The following PF4V1 variants were observed in gnomAD, a reference collection of about 807,000 sequenced individuals.
PF4V1 encodes the protein platelet factor 4 variant.
Under a neutral mutation model 6.9 loss-of-function variants are expected in PF4V1, and 4 were observed. The observed-to-expected ratio is 0.58, with a 90% CI of 0.29 to 1.34. PF4V1 has a LOEUF of 1.34. Among genes scored for constraint, PF4V1 ranks in the 40% most tolerant of loss-of-function variants. The pLI, the probability that PF4V1 is intolerant of heterozygous loss-of-function variation, is 0.09. For synonymous variants in PF4V1, 68 were observed against 55.9 expected (o/e 1.22, Z -0.97); for missense variants, 127 against 128.6 (o/e 0.99, Z 0.06).
Position 73,853,854 on chromosome 4 carries a change from A to T in PF4V1, c.172A>T (p.Ile58Phe). Reference sequence around the variant, plus strand: ...CACCTCCCAGGTCCGTCCCAGGCACATCACCAGCCTGGAGGTGATCAAGGC... The same window carrying T: ...CACCTCCCAGGTCCGTCCCAGGCACTTCACCAGCCTGGAGGTGATCAAGGC... ...KTTSQVRPRH[I>F]TSLEVIKAGP... The change falls in exon 2 of 3, where the codon ATC becomes TTC. Residue 58 changes from isoleucine (I) to phenylalanine (F), a missense_variant. Transcript: ENST00000226524. 2 of 1,613,284 alleles carry T rather than the reference A, an allele frequency of 1.2e-6. No individual in the cohort carries two copies. Among genetic ancestry groups the T allele is most frequent in the Non-Finnish European group, 1.7e-6 (2 of 1,179,830 alleles).
rs748498631 is a variant in PF4V1, at chr4:73,853,315, C to G, written c.-48C>G. The stretch of plus-strand genomic sequence containing the variant: ...GGAGTCACTGCCTGCAGAACCCCAG[C>G]CCGACTTTCCCTGCGCACTGGGATC... On this transcript the variant is annotated 5_prime_UTR_variant, in exon 1 of 3. Coordinates refer to ENST00000226524, the MANE Select transcript of PF4V1 (RefSeq NM_002620.4). 2.2e-5 allele frequency: 33 copies of G among 1,489,888 alleles called. No homozygotes were observed. The highest frequency in any genetic ancestry group is 3.0e-5 in the Non-Finnish European group (32 of 1,067,578). The allele number at this position is 1,489,888 out of a possible 1,614,324, so 92.3% of individuals were successfully genotyped here.
chr4:73,854,066 T>A lies in PF4V1; in HGVS notation c.259T>A (p.Leu87Met), dbSNP rs144390629. Residue 87 changes from leucine (L) to methionine (M), a missense_variant, in exon 3 of 3, where the codon TTG becomes ATG. Physicochemically the swap from Leu to Met is conservative, Grantham distance 15. Transcript: ENST00000226524. ...ATLKNGRKIC[L>M]DLQALLYKKI... Reference sequence around the variant, plus strand: ...GCTGAAGAATGGGAGGAAAATTTGCTTGGATCTGCAAGCCCTGCTGTACAA... The same window carrying A: ...GCTGAAGAATGGGAGGAAAATTTGCATGGATCTGCAAGCCCTGCTGTACAA... 2,605 of 1,614,214 alleles carry A rather than the reference T, an allele frequency of 1.6e-3. 21 individuals carry two copies. In the Middle Eastern group the frequency reaches 0.019, roughly 12 times the overall value.
intron 1 of PF4V1, 71 bp from the exon 2 acceptor site, chr4:73,853,712 T>A: frequency 6.6e-7 from 1 of 1,525,782 alleles, no homozygotes; most frequent in African/African-American, 1.4e-5. Context: ...GTCCCTAAAG[T>A]ATCTCTGGCT....
chr4:73,853,652 A>G, intron 1 of PF4V1, 131 bp from the exon 2 acceptor site: 1 of 1,350,312 alleles, frequency 7.4e-7, no homozygotes, highest in Non-Finnish European at 1.0e-6. Flanking sequence ...TCTGTCTGAG[A>G]GAGGTCTGAT....
At chr4:73,853,531 G>A in intron 1 of PF4V1, 69 bp downstream of exon 1, 2 of 1,517,266 alleles carry the variant, frequency 1.3e-6, no homozygotes, top group Non-Finnish European at 1.8e-6. Flanking sequence ...CTGGGGCTGG[G>A]GAGGAATCCT....
Position 73,853,428 on chromosome 4 carries a change from G to A in PF4V1, c.66G>A (p.Leu22=). The change falls in exon 1 of 3, where the codon TTG becomes TTA. Residue 22 remains leucine (L), a synonymous_variant. Transcript: ENST00000226524. ...GCCAGGAGATGCTGTTCTTGGCGTTGCTGCTCCTGCCAGTTGTGGTCGCCT... is the reference window on the plus strand; with the variant it reads ...GCCAGGAGATGCTGTTCTTGGCGTTACTGCTCCTGCCAGTTGTGGTCGCCT... The part of the protein sequence containing the change: ...ATRQEMLFLA[L]LLLPVVVAFA... 2 of 1,614,116 alleles carry A rather than the reference G, an allele frequency of 1.2e-6. No homozygotes were observed. The highest frequency in any genetic ancestry group is 2.2e-5 in the East Asian group (1 of 44,884).
chr4:73,854,152 T>C lies in PF4V1; in HGVS notation c.*30T>C, dbSNP rs1226449194. ...TAGCTGCCTAAGTGTGCACTTTCAA[T>C]CTAACTGTGAAAGAATCTTCTGATG... On this transcript the variant is annotated 3_prime_UTR_variant, in exon 3 of 3. Coordinates refer to ENST00000226524, the MANE Select transcript of PF4V1 (RefSeq NM_002620.4). 6.9e-7 allele frequency: 1 copy of C among 1,441,138 alleles called. No individual in the cohort carries two copies. The highest frequency in any genetic ancestry group is 1.4e-5 in the African/African-American group (1 of 71,466). 89.3% of individuals were successfully genotyped at this position (1,441,138 alleles called of 1,614,324 possible). A position where few individuals can be genotyped will look rare whatever the true frequency, so the allele number is the denominator to read the frequency against.
rs777182843 is a variant in PF4V1, at chr4:73,853,443, TGTG to T, written c.84_86del (p.Val29del). On this transcript the variant is annotated inframe_deletion, in exon 1 of 3. Coordinates refer to ENST00000226524, the MANE Select transcript of PF4V1 (RefSeq NM_002620.4). ...TCTTGGCGTTGCTGCTCCTGCCAGT[TGTG>T]GTCGCCTTCGCCAGAGGTGAGAGCA... 71 of 1,613,614 alleles carry T rather than the reference TGTG, an allele frequency of 4.4e-5. No individual in the cohort carries two copies. Among genetic ancestry groups the T allele is most frequent in the Non-Finnish European group, 5.9e-5 (70 of 1,179,836 alleles).
In PF4V1 at chr4:73,853,367, G is replaced by A. The variant is rs760795008; in HGVS notation, c.5G>A (p.Ser2Asn). Residue 2 changes from serine to asparagine, a missense_variant, in exon 1 of 3, where the codon AGC becomes AAC. By Grantham distance (46) the Ser-to-Asn change is conservative (BLOSUM62 1). Transcript: ENST00000226524. ...TGCTGGAACCTCAGCTGCAACATGA[G>A]CTCCGCAGCCAGGTCCCGCCTCACC... M[S>N]SAARSRLTRA... 3.1e-6 allele frequency: 5 copies of A among 1,613,718 alleles called. No homozygotes were observed. Among genetic ancestry groups the A allele is most frequent in the Non-Finnish European group, 3.4e-6 (4 of 1,179,692 alleles).
chr4:73,853,513 G>A (rs1218841905), intron 1 of PF4V1, 51 bp downstream of exon 1: 4 of 1,540,580 alleles, frequency 2.6e-6, no homozygotes, highest in South Asian at 2.4e-5. Flanking sequence ...GGGGGAGTCC[G>A]GGAAGCCCTG....
Position 73,854,105 on chromosome 4 carries a change from G to T in PF4V1, c.298G>T (p.Glu100Ter). 1 of 1,613,732 alleles carries T rather than the reference G, an allele frequency of 6.2e-7. No individual in the cohort carries two copies. Among genetic ancestry groups the T allele is most frequent in the South Asian group, 1.1e-5 (1 of 91,074 alleles). Residue 100 changes from glutamate (E) to a stop codon, truncating the protein, a stop_gained, in exon 3 of 3, where the codon GAA (glutamate) becomes TAA (stop). Transcript: ENST00000226524. LOFTEE classifies it high-confidence loss of function. ...QALLYKKIIKEHLES is the reference protein window; with the variant it reads ...QALLYKKIIK ...CCTGCTGTACAAGAAAATCATTAAGGAACATTTGGAGAGTTAGCTACTAGC... is the reference window on the plus strand; with the variant it reads ...CCTGCTGTACAAGAAAATCATTAAGTAACATTTGGAGAGTTAGCTACTAGC...
rs1161900929 is a variant in PF4V1, at chr4:73,854,323, A to G, written c.*201A>G. 6.6e-6 allele frequency among the ~76,000 whole-genome samples: 1 copy of G among 152,240 alleles called. No homozygotes were observed. The highest frequency in any genetic ancestry group is 1.5e-5 in the Non-Finnish European group (1 of 68,040). On this transcript the variant is annotated 3_prime_UTR_variant, in exon 3 of 3. Transcript: ENST00000226524. ...TCCAGAATTTTAAGCAAAAAGCATT[A>G]TGAAGGAAGGCTTGGTTTAATAAAG...
chr4:73,853,582 G>T, intron 1 of PF4V1, 120 bp downstream of exon 1: 1 of 1,336,378 alleles, frequency 7.5e-7, no homozygotes, highest in Non-Finnish European at 1.0e-6. Flanking sequence ...CGCGCGTGCT[G>T]AGTCTGCGGG....
intron 1 of PF4V1, 78 bp from the exon 2 acceptor site, chr4:73,853,705 C>A: frequency 6.6e-7 from 1 of 1,517,010 alleles, no homozygotes; most frequent in Non-Finnish European, 8.9e-7. Flanking sequence ...GGAAAAGGTC[C>A]CTAAAGTATC....
rs780938382 is a variant in PF4V1, at chr4:73,853,396, G to A, written c.34G>A (p.Ala12Thr). ...CGCAGCCAGGTCCCGCCTCACCCGC[G>A]CCACCCGCCAGGAGATGCTGTTCTT... ...SSAARSRLTR[A>T]TRQEMLFLAL... The change falls in exon 1 of 3, where the codon GCC becomes ACC. Residue 12 changes from alanine to threonine, a missense_variant. Coordinates refer to ENST00000226524, the MANE Select transcript of PF4V1 (RefSeq NM_002620.4). 11 of 1,613,956 alleles carry A rather than the reference G, an allele frequency of 6.8e-6. No individual in the cohort carries two copies. The highest frequency in any genetic ancestry group is 1.3e-5 in the African/African-American group (1 of 74,942).
At position 73,853,390 on chromosome 4, in the gene PF4V1, ACCCGCG is replaced by A. The variant is rs1271396241; in HGVS notation, c.31_36del (p.Arg11_Ala12del). On this transcript the variant is annotated inframe_deletion, in exon 1 of 3. Transcript: ENST00000226524. Reference sequence around the variant, plus strand: ...GAGCTCCGCAGCCAGGTCCCGCCTCACCCGCGCCACCCGCCAGGAGATGCTGTTCTT... The same window carrying A: ...GAGCTCCGCAGCCAGGTCCCGCCTCACCACCCGCCAGGAGATGCTGTTCTT... 4.3e-6 allele frequency: 7 copies of A among 1,613,462 alleles called. No homozygotes were observed. The highest frequency in any genetic ancestry group is 5.9e-6 in the Non-Finnish European group (7 of 1,179,742).
rs1731492999 is a variant in PF4V1, at chr4:73,854,194, T to C, written c.*72T>C. On this transcript the variant is annotated 3_prime_UTR_variant, in exon 3 of 3. Transcript: ENST00000226524. The stretch of plus-strand genomic sequence containing the variant: ...CTTCTGATGTTTGTATTATCCTTCT[T>C]ATATTATATTAACGAAATAAATCAA... 1.7e-5 allele frequency: 18 copies of C among 1,034,738 alleles called. No homozygotes were observed. In the South Asian group the frequency reaches 2.3e-4, roughly 13 times the overall value. 64.1% of individuals were successfully genotyped at this position (1,034,738 alleles called of 1,614,324 possible).
chr4:73,854,233 C>A lies in PF4V1; in HGVS notation c.*111C>A. The stretch of plus-strand genomic sequence containing the variant: ...GAAATAAATCAAGTTGTGGTATAGT[C>A]AATCTATTTCTTAATAATACTGCAA... On this transcript the variant is annotated 3_prime_UTR_variant, in exon 3 of 3. Coordinates refer to ENST00000226524, the MANE Select transcript of PF4V1 (RefSeq NM_002620.4). The A allele has an allele frequency of 2.8e-6, 2 of 715,616 alleles. No homozygotes were observed. Among genetic ancestry groups the A allele is most frequent in the South Asian group, 2.1e-5 (1 of 48,204 alleles). 44.3% of individuals were successfully genotyped at this position (715,616 alleles called of 1,614,324 possible). A position where few individuals can be genotyped will look rare whatever the true frequency, so the allele number is the denominator to read the frequency against.
chr4:73,853,668 GC>G, intron 1 of PF4V1, 114 bp from the exon 2 acceptor site: 1 of 1,421,400 alleles, frequency 7.0e-7, no homozygotes, highest in East Asian at 2.5e-5. Context: ...CTGATTTACG[GC>G]TAAGGAAAAG....
Sources: gnomAD v4.1 joint callset for allele counts (sites outside exome capture counted in the v4.1 genomes callset) on GRCh38, gnomAD v4.1.1 for gene constraint, MANE v1.5 for transcripts, NCBI Gene and HGNC (gene_info 2026-07-23, HGNC 2026-07-21) for gene names.